ART3: variants seen among roughly 807,000 people sequenced by gnomAD.
The protein encoded by ART3 is ecto-ADP-ribosyltransferase 3.
In ART3, 49 loss-of-function variants were observed where a neutral mutation model predicts 48.5. The observed-to-expected ratio is 1.01, with a 90% CI of 0.80 to 1.28. The LOEUF (loss-of-function observed/expected upper bound fraction) is 1.28. Ranked by LOEUF, ART3 falls within the 50% of genes most tolerant of loss-of-function variation. ART3 has a pLI of 0.00. For synonymous variants in ART3, 145 were observed against 157.2 expected, an observed-to-expected ratio of 0.92 and a Z score of 0.58; for missense variants, 438 against 454.3, an observed-to-expected ratio of 0.96 and a Z score of 0.33.
At chr4:76,065,520 C>T (rs1336696200) in intron 1 of ART3, among the ~76,000 whole-genome samples, 1 of 147,226 alleles carries the variant, frequency 6.8e-6, no homozygotes, top group Non-Finnish European at 1.5e-5. Flanking sequence ...TCAAGGACCT[C>T]CTGAACCTCC....
At chr4:76,105,961 C>G in intron 10 of ART3, 1 of 984,832 alleles carries the variant, frequency 1.0e-6, no homozygotes, top group Non-Finnish European at 1.2e-6. Flanking sequence ...ACTCTACAAT[C>G]GTCCAGTAGG....
intron 1 of ART3, among the ~76,000 whole-genome samples, chr4:76,026,737 G>A (rs2149385709): frequency 6.6e-6 from 1 of 152,350 alleles, no homozygotes; most frequent in South Asian, 2.1e-4. Flanking sequence ...AATGAATGCA[G>A]GAATGCAAAT....
At chr4:76,067,388 C>T (rs1252940948) in intron 1 of ART3, among the ~76,000 whole-genome samples, 1 of 152,202 alleles carries the variant, frequency 6.6e-6, no homozygotes. Context: ...GGTGAAAGGA[C>T]ATAGAAATTG....
At chr4:76,095,288 A>T (rs944970311) in intron 3 of ART3, among the ~76,000 whole-genome samples, 1 of 152,178 alleles carries the variant, frequency 6.6e-6, no homozygotes, top group Admixed American at 6.5e-5. Context: ...CAGGTGGATC[A>T]TCCAAGGTCA....
intron 1 of ART3, among the ~76,000 whole-genome samples, chr4:76,025,684 G>T (rs1170868913): frequency 1.3e-5 from 2 of 152,036 alleles, no homozygotes; most frequent in African/African-American, 4.8e-5. Context: ...GACATCTTTT[G>T]CTCAGTATAA....
chr4:76,072,504 T>C (rs1720422220), upstream of ART3, among the ~76,000 whole-genome samples: 1 of 152,028 alleles, frequency 6.6e-6, no homozygotes. Flanking sequence ...CGTTTAATGC[T>C]GCCTTCCTGA....
rs575925817 is a variant in ART3, at chr4:76,076,950, A to T, written c.69+992A>T. On this transcript the variant is annotated intron_variant, in intron 2 of 11. Coordinates refer to ENST00000355810, the MANE Select transcript of ART3 (RefSeq NM_001130016.3). ...ATTCTTAAACTGTTATCCTTTTTTG[A>T]ATTTAATATTCTAATCCATTTTCTA... Among the ~76,000 whole-genome samples, 6 of 151,810 alleles carry T rather than the reference A, an allele frequency of 4.0e-5. No individual in the cohort carries two copies. In the South Asian group the frequency reaches 1.2e-3, roughly 32 times the overall value.
In ART3 at chr4:76,082,478, C is replaced by T. The variant is rs781058769; in HGVS notation, c.724C>T (p.Leu242Phe). Residue 242 changes from leucine (L) to phenylalanine (F), a missense_variant, in exon 3 of 12, where the codon CTT becomes TTT. Physicochemically the swap from Leu to Phe is conservative, Grantham distance 22. Coordinates refer to ENST00000355810, the MANE Select transcript of ART3 (RefSeq NM_001130016.3). ...QVSQEGAGNN[L>F]ILQSINKTCS... ...GTCACAGGAGGGGGCTGGCAATAAC[C>T]TTATCCTTCAAAGCATAAACAAGAC... 2 of 1,610,882 alleles carry T rather than the reference C, an allele frequency of 1.2e-6. No individual in the cohort carries two copies. The highest frequency in any genetic ancestry group is 1.7e-6 in the Non-Finnish European group (2 of 1,178,720).
chr4:76,022,036 A>G, intron 1 of ART3: 1 of 1,230,164 alleles, frequency 8.1e-7, no homozygotes, highest in Non-Finnish European at 1.2e-6. Context: ...GAGTTCATAG[A>G]ATAGATAACT....
intron 1 of ART3, among the ~76,000 whole-genome samples, chr4:76,050,721 C>G (rs949469084): frequency 4.7e-4 from 71 of 152,144 alleles, no homozygotes; most frequent in African/African-American, 1.5e-3. Flanking sequence ...GCACTTGTCG[C>G]GGAGGCTCGG....
At chr4:76,105,361 C>T (rs1320993959) in intron 10 of ART3, among the ~76,000 whole-genome samples, 1 of 152,202 alleles carries the variant, frequency 6.6e-6, no homozygotes, top group East Asian at 1.9e-4. Flanking sequence ...ACTTCACTTT[C>T]TACGCCCCTG....
intron 1 of ART3, among the ~76,000 whole-genome samples, chr4:76,014,233 C>T (rs2149352751): frequency 6.6e-6 from 1 of 151,944 alleles, no homozygotes; most frequent in East Asian, 1.9e-4. Flanking sequence ...TTTGGACTTA[C>T]TAGACCAAGA....
At chr4:76,022,102 C>G (rs1426290400) in intron 1 of ART3, among the ~76,000 whole-genome samples, 1 of 152,120 alleles carries the variant, frequency 6.6e-6, no homozygotes, top group Non-Finnish European at 1.5e-5. Flanking sequence ...TTTTTTCAAC[C>G]ATGAAAGACT....
chr4:76,073,333 G>A (rs1190287512), upstream of ART3, among the ~76,000 whole-genome samples: 1 of 152,162 alleles, frequency 6.6e-6, no homozygotes. Flanking sequence ...GTTGTTGTGA[G>A]CCTAAGGCCT....
chr4:76,103,972 A>T lies in ART3; in HGVS notation c.970+3A>T. ...CCTTGAACCCACCCAAATACCTGGT[A>T]AGACAGCTTTCTATTTACTCCCTGA... is the stretch of plus-strand genomic sequence containing the variant. On this transcript the variant is annotated splice_donor_region_variant and intron_variant, in intron 9 of 11. Coordinates refer to ENST00000355810, the MANE Select transcript of ART3 (RefSeq NM_001130016.3). The T allele has an allele frequency of 6.2e-7, 1 of 1,613,466 alleles. No homozygotes were observed. Among genetic ancestry groups the T allele is most frequent in the Non-Finnish European group, 8.5e-7 (1 of 1,179,564 alleles).
intron 1 of ART3, among the ~76,000 whole-genome samples, chr4:76,027,023 G>A (rs947841212): frequency 2.0e-5 from 3 of 152,154 alleles, no homozygotes; most frequent in South Asian, 4.1e-4. Flanking sequence ...AGGCCCAGGC[G>A]GGTGGATCAC....
At chr4:76,023,593 C>T (rs1379282911) in intron 1 of ART3, 7 of 563,520 alleles carry the variant, frequency 1.2e-5, no homozygotes, top group Non-Finnish European at 2.2e-5. Flanking sequence ...CTTAGCAAAA[C>T]CTGCTGGCTG....
intron 1 of ART3, among the ~76,000 whole-genome samples, chr4:76,031,135 A>T (rs6846814): frequency 1.3e-5 from 2 of 151,774 alleles, no homozygotes; most frequent in Non-Finnish European, 2.9e-5. Flanking sequence ...GTTTAGTATC[A>T]GTGAATTATT....
intron 8 of ART3, 82 bp from the exon 9 acceptor site, chr4:76,103,855 T>A: frequency 1.7e-6 from 2 of 1,172,266 alleles, no homozygotes; most frequent in Non-Finnish European, 2.3e-6. Context: ...AAGTTGGAAA[T>A]GGAGGAAATA....
Sources: gnomAD v4.1 joint callset for allele counts (sites outside exome capture counted in the v4.1 genomes callset) on GRCh38, gnomAD v4.1.1 for gene constraint, MANE v1.5 for transcripts, NCBI Gene and HGNC (gene_info 2026-07-23, HGNC 2026-07-21) for gene names.